The following EYS variants were observed in gnomAD, a reference collection of about 807,000 sequenced individuals.
EYS encodes protein eyes shut homolog.
EYS carries 250 observed loss-of-function variants against 282.1 expected under a neutral mutation model. That is an observed-to-expected ratio of 0.89 (90% CI 0.80 to 0.98). The LOEUF is 0.98. Ranked by LOEUF, EYS falls within the 50% of genes least tolerant of loss-of-function variation. The probability of loss-of-function intolerance (pLI) is 0.00; values close to 1 mark genes in which losing one functional copy is unlikely to be tolerated. For missense variants in EYS, 4,016 were observed against 3,709.0 expected, an observed-to-expected ratio of 1.08 and a Z score of -2.15; for synonymous variants, 1,355 against 1,282.9, an observed-to-expected ratio of 1.06 and a Z score of -1.20.
At chr6:64,557,363 T>G (rs1289314010) in intron 26 of EYS, among the ~76,000 whole-genome samples, 2 of 151,948 alleles carry the variant, frequency 1.3e-5, no homozygotes, top group Non-Finnish European at 2.9e-5. Context: ...TAAACTCCAT[T>G]CAAGATTTAT....
At chr6:65,537,224 C>T (rs1767993381) in intron 2 of EYS, among the ~76,000 whole-genome samples, 1 of 152,010 alleles carries the variant, frequency 6.6e-6, no homozygotes, top group African/African-American at 2.4e-5. Context: ...GGATGAATAG[C>T]AATAGGAGAA....
chr6:64,576,886 C>T (rs1317018250), intron 26 of EYS, among the ~76,000 whole-genome samples: 1 of 152,004 alleles, frequency 6.6e-6, no homozygotes, highest in Non-Finnish European at 1.5e-5. Context: ...TCCAATAACT[C>T]AGAATGTGAT....
At chr6:63,993,613 C>A (rs1337422795) in intron 34 of EYS, among the ~76,000 whole-genome samples, 1 of 151,246 alleles carries the variant, frequency 6.6e-6, no homozygotes, top group Non-Finnish European at 1.5e-5. Flanking sequence ...CTTAAGAGGG[C>A]AAAAAACATG....
chr6:63,840,544 G>A (rs1771929899), intron 36 of EYS, among the ~76,000 whole-genome samples: 1 of 151,782 alleles, frequency 6.6e-6, no homozygotes, highest in Non-Finnish European at 1.5e-5. Flanking sequence ...TAGTTTGATC[G>A]AATCCTATTT....
At chr6:64,039,485 G>A (rs1355843028) in intron 33 of EYS, among the ~76,000 whole-genome samples, 1 of 152,136 alleles carries the variant, frequency 6.6e-6, no homozygotes, top group South Asian at 2.1e-4. Flanking sequence ...AAAAGAGGAA[G>A]CTCTTTCCAG....
At chr6:65,187,686 A>C (rs1342072913) in intron 12 of EYS, among the ~76,000 whole-genome samples, 1 of 151,728 alleles carries the variant, frequency 6.6e-6, no homozygotes, top group Non-Finnish European at 1.5e-5. Context: ...ATCAAAAATA[A>C]TTTAGTTTCC....
intron 26 of EYS, among the ~76,000 whole-genome samples, chr6:64,522,396 A>C (rs772250292): frequency 9.2e-5 from 14 of 151,742 alleles, no homozygotes; most frequent in Non-Finnish European, 1.5e-4. Flanking sequence ...AAAAGAACAT[A>C]AACTGAGACT....
At chr6:64,151,785 T>A (rs1310754822) in intron 31 of EYS, among the ~76,000 whole-genome samples, 1 of 152,062 alleles carries the variant, frequency 6.6e-6, no homozygotes, top group Admixed American at 6.6e-5. Flanking sequence ...TATTTGGAGG[T>A]GACTCTGGAG....
At chr6:63,874,579 C>T (rs1039183320) in intron 35 of EYS, among the ~76,000 whole-genome samples, 1 of 152,108 alleles carries the variant, frequency 6.6e-6, no homozygotes, top group Non-Finnish European at 1.5e-5. Context: ...CTATAGATTA[C>T]CTTGGGCAGT....
intron 12 of EYS, among the ~76,000 whole-genome samples, chr6:65,231,335 G>C (rs1339600182): frequency 6.6e-6 from 1 of 150,906 alleles, no homozygotes; most frequent in Non-Finnish European, 1.5e-5. Flanking sequence ...ACACAATTGT[G>C]TATGAATATA....
At chr6:65,166,407 G>C (rs1289560054) in intron 12 of EYS, among the ~76,000 whole-genome samples, 1 of 151,170 alleles carries the variant, frequency 6.6e-6, no homozygotes, top group African/African-American at 2.4e-5. Context: ...TGATGGAATT[G>C]TGAATCCAGT....
intron 37 of EYS, among the ~76,000 whole-genome samples, chr6:63,804,988 A>G (rs1770868100): frequency 6.6e-6 from 1 of 152,198 alleles, no homozygotes; most frequent in African/African-American, 2.4e-5. Context: ...GGAGTCTGAA[A>G]TACCACATTT....
At chr6:63,745,871 C>T (rs1769198001) in intron 41 of EYS, among the ~76,000 whole-genome samples, 1 of 151,994 alleles carries the variant, frequency 6.6e-6, no homozygotes, top group Admixed American at 6.6e-5. Context: ...AGTTGTAATC[C>T]AGTAGAATTA....
intron 1 of EYS, among the ~76,000 whole-genome samples, chr6:65,662,128 A>AT (rs951779425): frequency 6.6e-6 from 1 of 152,098 alleles, no homozygotes; most frequent in Non-Finnish European, 1.5e-5. Flanking sequence ...AAGGTTAAGG[A>AT]TAAAAAAAAA....
chr6:64,510,494 C>T (rs183511897), intron 26 of EYS, among the ~76,000 whole-genome samples: 140 of 151,672 alleles, frequency 9.2e-4, no homozygotes, highest in African/African-American at 3.2e-3. Context: ...GATAAAGGTA[C>T]GTCAAGAGAT....
intron 19 of EYS, among the ~76,000 whole-genome samples, chr6:64,862,741 G>A (rs1766289095): frequency 6.6e-6 from 1 of 152,078 alleles, no homozygotes; most frequent in African/African-American, 2.4e-5. Context: ...TAATGGCACA[G>A]ACTGAGGTGA....
intron 12 of EYS, among the ~76,000 whole-genome samples, chr6:65,066,079 T>C (rs991286666): frequency 1.3e-5 from 2 of 152,206 alleles, no homozygotes; most frequent in Non-Finnish European, 2.9e-5. Context: ...TGCTTGTTGA[T>C]GGGCATGGCA....
At chr6:64,654,364 T>C (rs1768672973) in intron 22 of EYS, among the ~76,000 whole-genome samples, 1 of 152,196 alleles carries the variant, frequency 6.6e-6, no homozygotes, top group South Asian at 2.1e-4. Context: ...AAAAATTGGC[T>C]AAGAAACATG....
chr6:65,006,390 C>T (rs572948134), intron 13 of EYS, among the ~76,000 whole-genome samples: 1 of 149,892 alleles, frequency 6.7e-6, no homozygotes, highest in East Asian at 2.0e-4. Flanking sequence ...CACAGATGGG[C>T]CAAATGCATT....
Sources: gnomAD v4.1 joint callset for allele counts (sites outside exome capture counted in the v4.1 genomes callset) on GRCh38, gnomAD v4.1.1 for gene constraint, MANE v1.5 for transcripts, NCBI Gene and HGNC (gene_info 2026-07-23, HGNC 2026-07-21) for gene names.